Variants in WDR27 observed in about 807,000 individuals in gnomAD.
The protein encoded by WDR27 is WD repeat domain 27, also known as WD repeat-containing protein 27.
WDR27 carries 100 observed loss-of-function variants against 114.4 expected under a neutral mutation model. That is an observed-to-expected ratio of 0.87 (90% CI 0.74 to 1.03). The LOEUF is 1.03. Ranked by LOEUF, WDR27 falls within the 50% of genes least tolerant of loss-of-function variation. WDR27 has a pLI of 0.00. For synonymous variants in WDR27, 449 were observed against 423.1 expected (o/e 1.06, Z -0.75); for missense variants, 1,129 against 1,092.9 (o/e 1.03, Z -0.47).
intron 25 of WDR27, among the ~76,000 whole-genome samples, chr6:169,472,330 A>T (rs1183171505): frequency 2.0e-5 from 3 of 152,214 alleles, no homozygotes; most frequent in African/African-American, 7.2e-5. Context: ...ACAGAGAAGC[A>T]TCTAAGACCT....
intron 25 of WDR27, among the ~76,000 whole-genome samples, chr6:169,458,147 G>T (rs1178836901): frequency 6.6e-6 from 1 of 152,184 alleles, no homozygotes; most frequent in Non-Finnish European, 1.5e-5. Flanking sequence ...ACTATAAACT[G>T]TGGTTAATTT....
At chr6:169,481,943 G>A (rs1487372832) in intron 25 of WDR27, among the ~76,000 whole-genome samples, 1 of 152,150 alleles carries the variant, frequency 6.6e-6, no homozygotes, top group Non-Finnish European at 1.5e-5. Flanking sequence ...ACCAATTCCG[G>A]ACACATTTTC....
At chr6:169,551,748 AAAAAAAAG>A (rs1160994693) in intron 25 of WDR27, among the ~76,000 whole-genome samples, 2 of 144,194 alleles carry the variant, frequency 1.4e-5, no homozygotes, top group Non-Finnish European at 1.5e-5. Context: ...AAAAAAAAAA[AAAAAAAAG>A]AAAAAGAAAA....
intron 25 of WDR27, among the ~76,000 whole-genome samples, chr6:169,458,606 T>C (rs1298226773): frequency 6.6e-6 from 1 of 151,968 alleles, no homozygotes; most frequent in African/African-American, 2.4e-5. Flanking sequence ...GCCTGACCAA[T>C]GTGGTGAAAC....
intron 6 of WDR27, among the ~76,000 whole-genome samples, chr6:169,666,232 ACTT>A (rs1292386577): frequency 2.0e-5 from 3 of 152,184 alleles, no homozygotes; most frequent in African/African-American, 7.2e-5. Context: ...ATTCCAACGT[ACTT>A]CCAAGAAATG....
At chr6:169,504,007 G>A (rs529295830) in intron 25 of WDR27, among the ~76,000 whole-genome samples, 1 of 152,202 alleles carries the variant, frequency 6.6e-6, no homozygotes, top group South Asian at 2.1e-4. Context: ...CAAAGTATGG[G>A]AGGAGTGTAC....
At chr6:169,571,972 A>T (rs1801501569) in intron 25 of WDR27, among the ~76,000 whole-genome samples, 1 of 152,224 alleles carries the variant, frequency 6.6e-6, no homozygotes, top group East Asian at 1.9e-4. Context: ...TCAGTCAGGA[A>T]TTAAAAATTA....
rs759958390 is a variant in WDR27 at position 169,643,739 on chromosome 6, C to T, written c.1705G>A (p.Val569Ile). The change falls in exon 17 of 26, where the codon GTT becomes ATT. Residue 569 changes from valine (V) to isoleucine (I), a missense_variant. Transcript: ENST00000448612. Reference sequence around the variant, plus strand: ...GTCCCAGTCAGGCTGGCATCAAAAACGAGTAACAGATGGTTGGCCAACCCA... The same window carrying T: ...GTCCCAGTCAGGCTGGCATCAAAAATGAGTAACAGATGGTTGGCCAACCCA... ...ACGLANHLLL[V>I]FDASLTGTPA... 10 of 1,613,608 alleles carry T rather than the reference C, an allele frequency of 6.2e-6. No individual in the cohort carries two copies. Among genetic ancestry groups the T allele is most frequent in the Middle Eastern group, 3.3e-4 (2 of 6,084 alleles).
the WDR27 span, among the ~76,000 whole-genome samples, chr6:169,435,397 T>C: frequency 6.6e-6 from 1 of 152,032 alleles, no homozygotes; most frequent in African/African-American, 2.4e-5. Context: ...TACCAACAAC[T>C]TGCACCGTGC....
chr6:169,449,423 T>C, the WDR27 span, among the ~76,000 whole-genome samples: 2 of 151,576 alleles, frequency 1.3e-5, no homozygotes, highest in Non-Finnish European at 2.9e-5. Context: ...GTGCAACGAG[T>C]GGTGTTTTCT....
intron 25 of WDR27, among the ~76,000 whole-genome samples, chr6:169,465,487 T>G (rs537124704): frequency 6.6e-6 from 1 of 152,210 alleles, no homozygotes; most frequent in Non-Finnish European, 1.5e-5. Flanking sequence ...CAGTATGAAT[T>G]TTTTTCAAAA....
At chr6:169,540,822 G>C (rs965407866) in intron 25 of WDR27, among the ~76,000 whole-genome samples, 3 of 152,162 alleles carry the variant, frequency 2.0e-5, no homozygotes, top group Admixed American at 2.0e-4. Flanking sequence ...CTGAGACATA[G>C]CTGAGGCCTG....
At chr6:169,666,793 T>C (rs1053354163) in intron 6 of WDR27, 3 of 1,018,914 alleles carry the variant, frequency 2.9e-6, no homozygotes, top group Non-Finnish European at 3.5e-6. Flanking sequence ...GTCCTGGCCC[T>C]ACCAACACCG....
At chr6:169,467,745 T>A (rs1158399603) in intron 25 of WDR27, among the ~76,000 whole-genome samples, 2 of 152,230 alleles carry the variant, frequency 1.3e-5, no homozygotes. Context: ...CTGAAGACAT[T>A]TTCCCCATTG....
intron 24 of WDR27, among the ~76,000 whole-genome samples, chr6:169,579,591 A>G (rs1803027734): frequency 6.6e-6 from 1 of 152,144 alleles, no homozygotes; most frequent in Non-Finnish European, 1.5e-5. Flanking sequence ...ATTATAATTC[A>G]TCTGCATAAG....
chr6:169,621,549 TAC>T (rs901429107), intron 21 of WDR27, among the ~76,000 whole-genome samples: 1 of 126,288 alleles, frequency 7.9e-6, no homozygotes, highest in African/African-American at 3.1e-5. Context: ...CGCATATACA[TAC>T]ACACACGCAT....
chr6:169,433,284 CCT>C, the WDR27 span, among the ~76,000 whole-genome samples: 1 of 152,090 alleles, frequency 6.6e-6, no homozygotes, highest in Admixed American at 6.5e-5. Context: ...TGTTCTCCTC[CCT>C]GTTTCCATGT....
At chr6:169,456,625 A>G (rs549583403), downstream of WDR27, among the ~76,000 whole-genome samples, 2 of 152,250 alleles carry the variant, frequency 1.3e-5, no homozygotes, top group Admixed American at 6.5e-5. The surrounding 1 kb of genome is among the most constrained non-coding windows in gnomAD (Gnocchi z 4.0). Context: ...CAGCCTCTGG[A>G]GCCCTGCCTC....
intron 25 of WDR27, among the ~76,000 whole-genome samples, chr6:169,481,679 C>A (rs1030214033): frequency 6.6e-6 from 1 of 152,200 alleles, no homozygotes; most frequent in Admixed American, 6.5e-5. Flanking sequence ...TGCAGCTTCA[C>A]TTCTGAAGCC....
Sources: gnomAD v4.1 joint callset for allele counts (sites outside exome capture counted in the v4.1 genomes callset) on GRCh38, gnomAD v4.1.1 for gene constraint, Gnocchi (gnomAD v3.1) non-coding constraint, MANE v1.5 for transcripts, NCBI Gene and HGNC (gene_info 2026-07-23, HGNC 2026-07-21) for gene names.